Variants in XKR9 observed in about 807,000 individuals in gnomAD.
XKR9 encodes XK-related protein 9.
XKR9 carries 32 observed loss-of-function variants against 32.0 expected under a neutral mutation model. That is an observed-to-expected ratio of 1.00 (90% confidence interval 0.76 to 1.34). The LOEUF is 1.34. Among genes scored for constraint, XKR9 ranks in the 40% most tolerant of loss-of-function variants. XKR9 has a pLI of 0.00. For missense variants in XKR9, 546 were observed against 429.7 expected, an observed-to-expected ratio of 1.27 and a Z score of -2.39; for synonymous variants, 168 against 143.4, an observed-to-expected ratio of 1.17 and a Z score of -1.22.
At chr8:70,816,056 G>T in the XKR9 span, among the ~76,000 whole-genome samples, 9 of 152,042 alleles carry the variant, frequency 5.9e-5, no homozygotes, top group Non-Finnish European at 1.0e-4. Context: ...GGAGGCAGAG[G>T]TTGCAATGAG....
At chr8:70,894,743 T>G in the XKR9 span, among the ~76,000 whole-genome samples, 1 of 151,796 alleles carries the variant, frequency 6.6e-6, no homozygotes, top group Non-Finnish European at 1.5e-5. Context: ...GCTAAGGTGG[T>G]TTTTTTTAGC....
the XKR9 span, among the ~76,000 whole-genome samples, chr8:70,973,995 GT>G: frequency 6.6e-6 from 1 of 152,176 alleles, no homozygotes; most frequent in African/African-American, 2.4e-5. Flanking sequence ...GTAGGGTATA[GT>G]TTAAGTCCAT....
At chr8:70,971,131 C>A in the XKR9 span, among the ~76,000 whole-genome samples, 1 of 152,094 alleles carries the variant, frequency 6.6e-6, no homozygotes, top group Admixed American at 6.6e-5. Flanking sequence ...CATGCCAACA[C>A]CTACTATTTT....
At chr8:70,856,887 A>T in the XKR9 span, among the ~76,000 whole-genome samples, 2 of 152,120 alleles carry the variant, frequency 1.3e-5, no homozygotes, top group African/African-American at 2.4e-5. Context: ...GGTACATAAC[A>T]AAATGAAGGC....
the XKR9 span, among the ~76,000 whole-genome samples, chr8:70,986,845 C>A: frequency 6.6e-6 from 1 of 152,144 alleles, no homozygotes; most frequent in Admixed American, 6.6e-5. Context: ...TGAGACTGGG[C>A]AATTTACAAA....
the XKR9 span, among the ~76,000 whole-genome samples, chr8:70,802,199 G>A: frequency 6.6e-6 from 1 of 152,010 alleles, no homozygotes; most frequent in Non-Finnish European, 1.5e-5. Flanking sequence ...GCCTCCCAAA[G>A]TGCTGGGATT....
At chr8:70,994,579 G>A in the XKR9 span, among the ~76,000 whole-genome samples, 1 of 151,746 alleles carries the variant, frequency 6.6e-6, no homozygotes, top group Non-Finnish European at 1.5e-5. Context: ...AATATGATAG[G>A]CATAAGTGTT....
At chr8:70,801,861 A>G in the XKR9 span, among the ~76,000 whole-genome samples, 2 of 151,896 alleles carry the variant, frequency 1.3e-5, no homozygotes, top group Admixed American at 1.3e-4. Flanking sequence ...GGGTGCATAT[A>G]TATGTACAAT....
intron 4 of XKR9, among the ~76,000 whole-genome samples, chr8:70,713,049 C>A (rs1388332209): frequency 5.3e-5 from 8 of 151,752 alleles, no homozygotes; most frequent in Admixed American, 2.0e-4. Flanking sequence ...GTTTAAAGAA[C>A]TAAAAGATGA....
the XKR9 span, among the ~76,000 whole-genome samples, chr8:71,049,619 G>C: frequency 1.3e-5 from 2 of 152,184 alleles, no homozygotes; most frequent in South Asian, 4.1e-4. Context: ...CTGTGAGAAT[G>C]GGGGAGAAGC....
chr8:70,688,705 T>C (rs1329787502), intron 3 of XKR9, among the ~76,000 whole-genome samples: 1 of 145,916 alleles, frequency 6.9e-6, no homozygotes, highest in South Asian at 2.1e-4. Context: ...CGTTAGCCAC[T>C]GTGCCTGTCC....
chr8:71,048,514 G>A, the XKR9 span, among the ~76,000 whole-genome samples: 1 of 152,028 alleles, frequency 6.6e-6, no homozygotes, highest in African/African-American at 2.4e-5. Flanking sequence ...ATCTATTGTT[G>A]GTTCTGTGTT....
the XKR9 span, among the ~76,000 whole-genome samples, chr8:70,898,943 T>A: frequency 6.6e-6 from 1 of 152,142 alleles, no homozygotes; most frequent in African/African-American, 2.4e-5. Context: ...GACAGGGTCT[T>A]GTTCTGTTGC....
At chr8:71,003,915 CAGAG>C in the XKR9 span, among the ~76,000 whole-genome samples, 2 of 152,204 alleles carry the variant, frequency 1.3e-5, no homozygotes, top group Admixed American at 1.3e-4. Context: ...CATGGGAACT[CAGAG>C]AGAGCATGAG....
the XKR9 span, among the ~76,000 whole-genome samples, chr8:71,060,245 C>G: frequency 6.3e-4 from 96 of 152,256 alleles, no homozygotes; most frequent in Middle Eastern, 3.4e-3. Flanking sequence ...GGGCCCAGAA[C>G]CTAGGGAATA....
chr8:70,813,336 C>T, the XKR9 span, among the ~76,000 whole-genome samples: 1 of 152,178 alleles, frequency 6.6e-6, no homozygotes, highest in East Asian at 1.9e-4. Flanking sequence ...AAACCATAAA[C>T]CCTAGAAGAA....
chr8:70,810,549 C>T, the XKR9 span, among the ~76,000 whole-genome samples: 5 of 152,158 alleles, frequency 3.3e-5, no homozygotes, highest in African/African-American at 7.2e-5. Context: ...AAACCCATCT[C>T]ACATGCAGAG....
chr8:70,716,886 T>C (rs563307170), intron 4 of XKR9, among the ~76,000 whole-genome samples: 13 of 152,302 alleles, frequency 8.5e-5, no homozygotes, highest in Admixed American at 3.3e-4. Context: ...AACAGCAAGT[T>C]AGTTACTTCC....
intron 4 of XKR9, among the ~76,000 whole-genome samples, chr8:70,726,620 G>A (rs890909164): frequency 1.1e-4 from 17 of 152,168 alleles, no homozygotes; most frequent in Admixed American, 6.5e-5. Flanking sequence ...ATGATTCTGA[G>A]GACAAATTAC....
Sources: gnomAD v4.1 joint callset for allele counts (sites outside exome capture counted in the v4.1 genomes callset) on GRCh38, gnomAD v4.1.1 for gene constraint, MANE v1.5 for transcripts, NCBI Gene and HGNC (gene_info 2026-07-23, HGNC 2026-07-21) for gene names.